Variants in GRID2 observed in about 807,000 individuals in gnomAD.
The protein encoded by GRID2 is glutamate ionotropic receptor delta type subunit 2.
GRID2 carries 33 observed loss-of-function variants against 114.8 expected under a neutral mutation model. The observed-to-expected ratio is 0.29, with a 90% confidence interval of 0.22 to 0.38. GRID2 has a LOEUF of 0.38. Ranked by LOEUF, GRID2 falls within the 10% of genes least tolerant of loss-of-function variation. GRID2 has a pLI of 1.00. For synonymous variants in GRID2, 505 were observed against 449.9 expected (o/e 1.12, Z -1.55); for missense variants, 1,184 against 1,257.7 (o/e 0.94, Z 0.89).
chr4:92,636,659 G>C (rs764440017), intron 2 of GRID2, among the ~76,000 whole-genome samples: 5 of 152,006 alleles, frequency 3.3e-5, no homozygotes, highest in African/African-American at 4.8e-5. Context: ...CTGTGAAATG[G>C]TGACATGTCA....
intron 1 of GRID2, among the ~76,000 whole-genome samples, chr4:92,586,383 C>T (rs1408623982): frequency 6.6e-6 from 1 of 150,520 alleles, no homozygotes; most frequent in Non-Finnish European, 1.5e-5. Context: ...CACACACACA[C>T]ACACACACAC....
chr4:93,253,000 AGCACTTTGG>A (rs1749146049), intron 8 of GRID2, among the ~76,000 whole-genome samples: 1 of 152,094 alleles, frequency 6.6e-6, no homozygotes, highest in South Asian at 2.1e-4. Flanking sequence ...CTGTAATCCC[AGCACTTTGG>A]GAGGCTGAGG....
intron 10 of GRID2, among the ~76,000 whole-genome samples, chr4:93,436,858 A>G (rs903860053): frequency 2.0e-4 from 30 of 152,202 alleles, no homozygotes; most frequent in African/African-American, 6.5e-4. Flanking sequence ...ACTAGTAGGC[A>G]GTATAAATCC....
chr4:92,806,361 A>G (rs1227529651), intron 2 of GRID2, among the ~76,000 whole-genome samples: 2 of 151,902 alleles, frequency 1.3e-5, no homozygotes, highest in African/African-American at 4.8e-5. Context: ...CTTGTTATCT[A>G]TATTAAAAGA....
intron 2 of GRID2, among the ~76,000 whole-genome samples, chr4:92,767,937 A>G (rs1440316252): frequency 6.6e-6 from 1 of 151,988 alleles, no homozygotes; most frequent in Non-Finnish European, 1.5e-5. Flanking sequence ...AAAAAATTTA[A>G]TAGTGCCTGG....
At chr4:93,034,026 G>C (rs1578805268) in intron 2 of GRID2, among the ~76,000 whole-genome samples, 1 of 152,162 alleles carries the variant, frequency 6.6e-6, no homozygotes, top group African/African-American at 2.4e-5. Flanking sequence ...CTCCCTGAAG[G>C]GGGTGACTTC....
At chr4:93,322,272 C>A (rs1247422541) in intron 8 of GRID2, among the ~76,000 whole-genome samples, 1 of 152,078 alleles carries the variant, frequency 6.6e-6, no homozygotes, top group Non-Finnish European at 1.5e-5. Flanking sequence ...GTTGAATTCC[C>A]ACCTATGAGT....
At chr4:93,434,209 T>C (rs1720846608) in intron 10 of GRID2, among the ~76,000 whole-genome samples, 1 of 152,200 alleles carries the variant, frequency 6.6e-6, no homozygotes, top group Non-Finnish European at 1.5e-5. Flanking sequence ...TCAGGTTCTG[T>C]GTTTTAAAAA....
At chr4:92,676,640 C>T (rs1223159782) in intron 2 of GRID2, among the ~76,000 whole-genome samples, 1 of 151,872 alleles carries the variant, frequency 6.6e-6, no homozygotes, top group East Asian at 1.9e-4. Flanking sequence ...AGATAAGATC[C>T]CCATATTCCC....
At chr4:92,800,399 G>T (rs1237467588) in intron 2 of GRID2, among the ~76,000 whole-genome samples, 1 of 151,890 alleles carries the variant, frequency 6.6e-6, no homozygotes, top group African/African-American at 2.4e-5. Flanking sequence ...TAAAAATATT[G>T]AACTAAGAAT....
intron 2 of GRID2, among the ~76,000 whole-genome samples, chr4:92,931,931 A>G (rs1202632532): frequency 6.6e-6 from 1 of 151,250 alleles, no homozygotes; most frequent in African/African-American, 2.4e-5. Context: ...AAATATGTAA[A>G]CCATATGCTT....
In GRID2 at chr4:92,929,866, C is replaced by T. The variant is rs530193514; in HGVS notation, c.245-155129C>T. ...TAAAAAAGGTTAATATGTAAAAGTG[C>T]TTGATACATACTGTTTGCTTAATAA... On this transcript the variant is annotated intron_variant, in intron 2 of 15. Coordinates refer to ENST00000282020, the MANE Select transcript of GRID2 (RefSeq NM_001510.4). Among the ~76,000 whole-genome samples the T allele has an allele frequency of 9.3e-5, 14 of 151,350 alleles. No individual in the cohort carries two copies. The East Asian group carries it at 2.5e-3, about 27-fold the overall frequency.
At chr4:93,528,753 G>C (rs1252383938) in intron 13 of GRID2, among the ~76,000 whole-genome samples, 1 of 152,078 alleles carries the variant, frequency 6.6e-6, no homozygotes, top group Non-Finnish European at 1.5e-5. Flanking sequence ...AAGTCAGAAT[G>C]GGGGAAGGAA....
At chr4:93,243,310 T>G (rs1747762669) in intron 8 of GRID2, among the ~76,000 whole-genome samples, 1 of 152,102 alleles carries the variant, frequency 6.6e-6, no homozygotes, top group Admixed American at 6.6e-5. Flanking sequence ...TTCCTTTGTA[T>G]AGGTATTAAC....
chr4:93,039,714 T>C (rs1725306076), intron 2 of GRID2, among the ~76,000 whole-genome samples: 2 of 152,244 alleles, frequency 1.3e-5, no homozygotes, highest in Non-Finnish European at 1.5e-5. Flanking sequence ...CTGAGTTCAA[T>C]GCAGTCTACA....
chr4:92,561,784 G>T (rs1727115773), intron 1 of GRID2, among the ~76,000 whole-genome samples: 1 of 152,144 alleles, frequency 6.6e-6, no homozygotes, highest in Non-Finnish European at 1.5e-5. Context: ...ATATTTGAGA[G>T]TTGGTGGATT....
chr4:92,583,348 TG>T (rs11303889), intron 1 of GRID2, among the ~76,000 whole-genome samples: 57,617 of 151,786 alleles, frequency 0.38, 10,928 homozygotes, highest in Middle Eastern at 0.46. Flanking sequence ...GAATAATATT[TG>T]CTAATTGTCA....
At chr4:93,110,370 G>C (rs775363176) in intron 3 of GRID2, among the ~76,000 whole-genome samples, 24 of 152,102 alleles carry the variant, frequency 1.6e-4, no homozygotes, top group Admixed American at 1.6e-3. Context: ...CTTACATGAG[G>C]TTAATATTAC....
chr4:93,110,716 C>T (rs201516761), intron 3 of GRID2, 32 bp from the exon 4 acceptor site: 66 of 1,360,338 alleles, frequency 4.9e-5, no homozygotes, highest in Admixed American at 3.2e-4. Flanking sequence ...CAATAATTCA[C>T]AGGTATTTTG....
Sources: gnomAD v4.1 joint callset for allele counts (sites outside exome capture counted in the v4.1 genomes callset) on GRCh38, gnomAD v4.1.1 for gene constraint, MANE v1.5 for transcripts, NCBI Gene and HGNC (gene_info 2026-07-23, HGNC 2026-07-21) for gene names.